Variants in VPS41 observed in about 807,000 individuals in gnomAD.
The protein encoded by VPS41 is VPS41 subunit of HOPS complex.
In VPS41, 85 loss-of-function variants were observed where a neutral mutation model predicts 130.9. The observed-to-expected ratio is 0.65, with a 90% CI of 0.55 to 0.78. The LOEUF (loss-of-function observed/expected upper bound fraction) is 0.78. Among genes scored for constraint, VPS41 ranks in the 30% least tolerant of loss-of-function variants. The probability of loss-of-function intolerance (pLI) is 0.00; values close to 1 mark genes in which losing one functional copy is unlikely to be tolerated. For missense variants in VPS41, 874 were observed against 1,018.7 expected, an observed-to-expected ratio of 0.86 and a Z score of 1.93; for synonymous variants, 335 against 332.9, an observed-to-expected ratio of 1.01 and a Z score of -0.07.
intron 25 of VPS41, among the ~76,000 whole-genome samples, chr7:38,736,590 A>G (rs1164746877): frequency 1.3e-5 from 2 of 152,238 alleles, no homozygotes; most frequent in Non-Finnish European, 2.9e-5. Context: ...TGCCAGTACA[A>G]TGAATGCATC....
In VPS41 at chr7:38,832,885, T is replaced by G. The variant is rs192169538; in HGVS notation, c.247-2557A>C. Among the ~76,000 whole-genome samples the G allele has an allele frequency of 2.0e-5, 3 of 152,268 alleles. No individual in the cohort carries two copies. The East Asian group carries it at 5.8e-4, about 30-fold the overall frequency. On this transcript the variant is annotated intron_variant, in intron 4 of 28. Coordinates refer to ENST00000310301, the MANE Select transcript of VPS41 (RefSeq NM_014396.4). ...ATCTCCAGGCAGGGCCTCTCCCTAT[T>G]GCAGACCAGTATCTAAGATGGTTTC...
At chr7:38,806,477 G>C (rs1310784153) in intron 7 of VPS41, among the ~76,000 whole-genome samples, 1 of 152,122 alleles carries the variant, frequency 6.6e-6, no homozygotes, top group Non-Finnish European at 1.5e-5. Flanking sequence ...CAATAATGTA[G>C]GGAATTTCAT....
chr7:38,894,235 T>C (rs779263961), intron 2 of VPS41, among the ~76,000 whole-genome samples: 6 of 152,124 alleles, frequency 3.9e-5, no homozygotes, highest in Non-Finnish European at 5.9e-5. Context: ...TCTCAAAATA[T>C]CGCTCCTGGA....
intron 3 of VPS41, 44 bp from the exon 4 acceptor site, chr7:38,862,666 A>G: frequency 2.5e-6 from 3 of 1,193,930 alleles, no homozygotes; most frequent in Non-Finnish European, 2.5e-6. Flanking sequence ...TAATAATACT[A>G]TTAATACACA....
chr7:38,869,398 T>C (rs1031651678), intron 2 of VPS41, 145 bp from the exon 3 acceptor site: 2 of 582,660 alleles, frequency 3.4e-6, no homozygotes, highest in Non-Finnish European at 6.1e-6. Flanking sequence ...AAAATCTTCA[T>C]ATTTCATCTT....
intron 15 of VPS41, among the ~76,000 whole-genome samples, chr7:38,766,845 TTCTGAGGCCTCC>T (rs1278354187): frequency 2.0e-5 from 3 of 152,250 alleles, no homozygotes; most frequent in Admixed American, 2.0e-4. Flanking sequence ...ACTGTAAGTT[TTCTGAGGCCTCC>T]TCAGCCATGC....
At chr7:38,833,791 G>GA (rs1404627344) in intron 4 of VPS41, among the ~76,000 whole-genome samples, 7 of 150,850 alleles carry the variant, frequency 4.6e-5, no homozygotes, top group African/African-American at 1.5e-4. Flanking sequence ...TTCTTGCAGA[G>GA]AAAAAAAATA....
intron 4 of VPS41, among the ~76,000 whole-genome samples, chr7:38,832,659 T>C (rs1161112882): frequency 5.3e-5 from 8 of 152,184 alleles, no homozygotes; most frequent in Non-Finnish European, 1.5e-5. Flanking sequence ...CTTGTAAATT[T>C]TGAGATCAAA....
rs555878044 is a variant in VPS41, at chr7:38,723,169, T to C, written c.*3077A>G. 3 of 152,316 alleles carry C rather than the reference T, an allele frequency of 2.0e-5. No individual in the cohort carries two copies. The South Asian group carries it at 6.2e-4, about 32-fold the overall frequency. The allele number at this position is 152,316 out of a possible 1,614,324, so 9.4% of individuals were successfully genotyped here. A position where few individuals can be genotyped will look rare whatever the true frequency, so the allele number is the denominator to read the frequency against. Reference sequence around the variant, plus strand: ...GGAGGAGGAAGGGGAGGGCCTGGTCTTGCCGTCTCAAGGGTGGCAGAGGCA... The same window carrying C: ...GGAGGAGGAAGGGGAGGGCCTGGTCCTGCCGTCTCAAGGGTGGCAGAGGCA... On this transcript the variant is annotated 3_prime_UTR_variant, in exon 29 of 29. Coordinates refer to ENST00000310301, the MANE Select transcript of VPS41 (RefSeq NM_014396.4).
intron 9 of VPS41, among the ~76,000 whole-genome samples, chr7:38,791,546 T>C (rs1012788731): frequency 6.6e-6 from 1 of 152,056 alleles, no homozygotes; most frequent in African/African-American, 2.4e-5. Context: ...AGCAGGGGCA[T>C]CTCCTGCTAG....
intron 25 of VPS41, chr7:38,741,429 G>A: frequency 4.3e-6 from 1 of 234,376 alleles, no homozygotes; most frequent in Non-Finnish European, 9.0e-6. Context: ...GAGTTCCACT[G>A]TTCTTATGAC....
chr7:38,832,442 C>A (rs568121634), intron 4 of VPS41, among the ~76,000 whole-genome samples: 5 of 151,772 alleles, frequency 3.3e-5, no homozygotes, highest in African/African-American at 1.2e-4. Context: ...CCTCAGCCTC[C>A]CGAGTAGCTG....
chr7:38,806,855 G>C (rs992143496), intron 7 of VPS41, among the ~76,000 whole-genome samples: 8 of 152,188 alleles, frequency 5.3e-5, no homozygotes, highest in African/African-American at 1.9e-4. Flanking sequence ...ACCCACAGCA[G>C]GGCTCTGATG....
At chr7:38,817,779 C>A (rs762463036) in intron 7 of VPS41, 38 bp downstream of exon 7, 2 of 1,557,572 alleles carry the variant, frequency 1.3e-6, no homozygotes, top group South Asian at 2.2e-5. Context: ...CAACACCCCT[C>A]AAGGCTACAT....
intron 1 of VPS41, among the ~76,000 whole-genome samples, chr7:38,902,854 C>T (rs906172536): frequency 6.6e-6 from 1 of 152,200 alleles, no homozygotes; most frequent in African/African-American, 2.4e-5. Context: ...TTGGTTTTTA[C>T]GTTTCTTCCC....
At chr7:38,838,202 CAAAG>C (rs1179703084) in intron 4 of VPS41, among the ~76,000 whole-genome samples, 1 of 148,906 alleles carries the variant, frequency 6.7e-6, no homozygotes, top group Non-Finnish European at 1.5e-5. Flanking sequence ...ACACTGAAAA[CAAAG>C]AAACAAACAG....
In VPS41 at chr7:38,728,679, C is replaced by T. The variant is rs1184005890; in HGVS notation, c.2359+13G>A. On this transcript the variant is annotated intron_variant, in intron 26 of 28. Coordinates refer to ENST00000310301, the MANE Select transcript of VPS41 (RefSeq NM_014396.4). ...GGCACGTGGTTCCATATGATTATTT[C>T]AATTTTACCCACCATCAACAAGAAC... The T allele has an allele frequency of 1.2e-6, 2 of 1,614,068 alleles. No homozygotes were observed. The highest frequency in any genetic ancestry group is 3.3e-5 in the Admixed American group (2 of 60,012).
chr7:38,770,427 A>ATTT (rs534243287), intron 14 of VPS41, among the ~76,000 whole-genome samples: 1,610 of 143,992 alleles, frequency 0.011, 34 homozygotes, highest in African/African-American at 0.038. Context: ...TTTTGGCTGG[A>ATTT]TTTTTTTTTT....
intron 2 of VPS41, among the ~76,000 whole-genome samples, chr7:38,872,381 A>G (rs1786386708): frequency 2.6e-5 from 4 of 152,192 alleles, no homozygotes; most frequent in Admixed American, 2.0e-4. Context: ...CATACGGGTC[A>G]GTCATGATTC....
Sources: gnomAD v4.1 joint callset for allele counts (sites outside exome capture counted in the v4.1 genomes callset) on GRCh38, gnomAD v4.1.1 for gene constraint, MANE v1.5 for transcripts, NCBI Gene and HGNC (gene_info 2026-07-23, HGNC 2026-07-21) for gene names.